The following CCDC91 variants were observed in gnomAD, a reference collection of about 807,000 sequenced individuals.
The protein encoded by CCDC91 is coiled-coil domain containing 91, also known as coiled-coil domain-containing protein 91.
Under a neutral mutation model 63.2 loss-of-function variants are expected in CCDC91, and 48 were observed. That is an observed-to-expected ratio of 0.76 (90% CI 0.60 to 0.97). CCDC91 has a LOEUF of 0.97. Among genes scored for constraint, CCDC91 ranks in the 50% least tolerant of loss-of-function variants. The pLI is 0.00. For synonymous variants in CCDC91, 167 were observed against 165.8 expected (o/e 1.01, Z -0.06); for missense variants, 500 against 494.6 (o/e 1.01, Z -0.10).
At chr12:28,255,493 C>G (rs1404267536) in intron 1 of CCDC91, 4 of 152,154 alleles carry the variant, frequency 2.6e-5, no homozygotes, top group African/African-American at 9.7e-5. Context: ...ATACAGATTT[C>G]TGTTCACTTG....
At chr12:28,433,624 G>A (rs906836544) in intron 8 of CCDC91, among the ~76,000 whole-genome samples, 1 of 151,876 alleles carries the variant, frequency 6.6e-6, no homozygotes, top group African/African-American at 2.4e-5. Context: ...AGTAAGTACT[G>A]AAGCCAGGTA....
intron 6 of CCDC91, among the ~76,000 whole-genome samples, chr12:28,334,793 C>T (rs1213717306): frequency 6.6e-6 from 1 of 152,042 alleles, no homozygotes. Flanking sequence ...AAGCCAAAAG[C>T]ACTTGGGCAC....
intron 2 of CCDC91, among the ~76,000 whole-genome samples, 164 bp downstream of exon 2, chr12:28,257,409 C>T (rs569197899): frequency 2.0e-5 from 3 of 151,682 alleles, no homozygotes; most frequent in Non-Finnish European, 1.5e-5. Context: ...TAAAAAAAAA[C>T]CCTCTAAAAA....
At chr12:28,216,252 A>G (rs753402030) in intron 1 of CCDC91, among the ~76,000 whole-genome samples, 4 of 152,180 alleles carry the variant, frequency 2.6e-5, no homozygotes, top group Non-Finnish European at 5.9e-5. Flanking sequence ...TTTGTTGTTC[A>G]TCAACTCTCA....
intron 1 of CCDC91, among the ~76,000 whole-genome samples, chr12:28,242,270 G>A (rs1272798017): frequency 6.6e-6 from 1 of 152,124 alleles, no homozygotes; most frequent in Admixed American, 6.5e-5. Context: ...TGACCCAGAT[G>A]TCCTTCTCAT....
At chr12:28,316,383 C>G (rs1281953686) in intron 6 of CCDC91, among the ~76,000 whole-genome samples, 3 of 151,508 alleles carry the variant, frequency 2.0e-5, no homozygotes, top group Non-Finnish European at 4.4e-5. Context: ...TTTATTCTGT[C>G]ATAATTCTTT....
chr12:28,380,173 GGGGGTTGGGGGGCT>G (rs1158682832), intron 7 of CCDC91, among the ~76,000 whole-genome samples: 1 of 152,044 alleles, frequency 6.6e-6, no homozygotes, highest in Non-Finnish European at 1.5e-5. Flanking sequence ...AGGGCCTGTT[GGGGGTTGGGGGGCT>G]GGGGTAGGGA....
intron 12 of CCDC91, among the ~76,000 whole-genome samples, chr12:28,505,202 G>A (rs142120818): frequency 3.3e-5 from 5 of 151,944 alleles, no homozygotes; most frequent in Non-Finnish European, 5.9e-5. Context: ...TTTGGGATGC[G>A]GGAAAACTAA....
rs545596039 is a variant in CCDC91, at chr12:28,425,866, A to T, written c.763-24295A>T. 3.9e-5 allele frequency among the ~76,000 whole-genome samples: 6 copies of T among 152,318 alleles called. No homozygotes were observed. In the South Asian group the frequency reaches 1.2e-3, roughly 32 times the overall value. On this transcript the variant is annotated intron_variant, in intron 8 of 12. Transcript: ENST00000536442. ...GCATGTGGACCCATCAGTCTGTTTCAGCAATCCCACCAGGTGATTGTGATG... is the reference window on the plus strand; with the variant it reads ...GCATGTGGACCCATCAGTCTGTTTCTGCAATCCCACCAGGTGATTGTGATG...
chr12:28,299,111 A>G (rs574489943), intron 3 of CCDC91, among the ~76,000 whole-genome samples: 1 of 151,646 alleles, frequency 6.6e-6, no homozygotes, highest in South Asian at 2.1e-4. Flanking sequence ...TGTGGAGACC[A>G]AGTTATTTTT....
At chr12:28,459,656 A>G (rs1409917487) in intron 11 of CCDC91, among the ~76,000 whole-genome samples, 1 of 152,176 alleles carries the variant, frequency 6.6e-6, no homozygotes, top group African/African-American at 2.4e-5. Context: ...GAGGTCAAGG[A>G]TAATTACTTT....
intron 1 of CCDC91, among the ~76,000 whole-genome samples, chr12:28,247,349 G>A (rs1211754639): frequency 6.6e-6 from 1 of 152,036 alleles, no homozygotes; most frequent in Non-Finnish European, 1.5e-5. Context: ...GCATGGTGGA[G>A]GGCGCCTGTA....
chr12:28,448,153 A>G (rs1949628032), intron 8 of CCDC91, among the ~76,000 whole-genome samples: 1 of 152,098 alleles, frequency 6.6e-6, no homozygotes, highest in Non-Finnish European at 1.5e-5. Context: ...GGGTAGGATT[A>G]TTGTTGAAAT....
intron 12 of CCDC91, among the ~76,000 whole-genome samples, chr12:28,520,586 T>C (rs1204310569): frequency 6.6e-6 from 1 of 152,190 alleles, no homozygotes; most frequent in Non-Finnish European, 1.5e-5. Flanking sequence ...TTAGATCCCA[T>C]TTGTCAATTT....
intron 12 of CCDC91, among the ~76,000 whole-genome samples, chr12:28,509,301 T>G (rs1939106131): frequency 6.6e-6 from 1 of 151,958 alleles, no homozygotes; most frequent in Admixed American, 6.6e-5. Context: ...TACAGTTCAT[T>G]TGATATATAC....
chr12:28,426,348 A>G (rs569969636), intron 8 of CCDC91, among the ~76,000 whole-genome samples: 8 of 152,210 alleles, frequency 5.3e-5, no homozygotes, highest in African/African-American at 1.4e-4. Flanking sequence ...CTGTGGTTCA[A>G]TGTTTGTCAT....
At chr12:28,530,449 C>A (rs541016396) in intron 12 of CCDC91, among the ~76,000 whole-genome samples, 18 of 152,308 alleles carry the variant, frequency 1.2e-4, no homozygotes, top group South Asian at 4.1e-4. Context: ...AAACATGGAG[C>A]AGAGACAAGC....
chr12:28,509,170 G>A (rs76745981), intron 12 of CCDC91, among the ~76,000 whole-genome samples: 52 of 152,014 alleles, frequency 3.4e-4, no homozygotes, highest in African/African-American at 1.3e-3. Flanking sequence ...TAAATCCTGT[G>A]AGAGAATGTT....
intron 7 of CCDC91, among the ~76,000 whole-genome samples, chr12:28,374,623 T>C (rs558754946): frequency 6.6e-6 from 1 of 152,290 alleles, no homozygotes; most frequent in East Asian, 1.9e-4. Flanking sequence ...TAGCACTTTT[T>C]AAAGCTCCCA....
Sources: allele counts gnomAD v4.1 joint callset (sites outside exome capture counted in the v4.1 genomes callset), GRCh38; gene constraint gnomAD v4.1.1; transcripts MANE v1.5; gene names NCBI Gene and HGNC (gene_info 2026-07-23, HGNC 2026-07-21).